The following CATSPERE variants were observed in gnomAD, a reference collection of about 807,000 sequenced individuals.
CATSPERE encodes the protein cation channel sperm-associated auxiliary subunit epsilon.
A neutral mutation model predicts 114.1 loss-of-function variants in CATSPERE; 93 were observed. That is an observed-to-expected ratio of 0.81 (90% CI 0.69 to 0.97). The LOEUF (loss-of-function observed/expected upper bound fraction) is 0.97, where lower values mean the gene tolerates loss of function less well. Among genes scored for constraint, CATSPERE ranks in the 50% least tolerant of loss-of-function variants. CATSPERE has a pLI of 0.00. For synonymous variants in CATSPERE, 341 were observed against 384.1 expected, an observed-to-expected ratio of 0.89 and a Z score of 1.31; for missense variants, 1,058 against 1,131.6, an observed-to-expected ratio of 0.93 and a Z score of 0.93.
At chr1:244,552,107 CAG>C (rs942509189) in intron 8 of CATSPERE, among the ~76,000 whole-genome samples, 38 of 134,932 alleles carry the variant, frequency 2.8e-4, no homozygotes, top group African/African-American at 9.2e-4. Flanking sequence ...CTTGAGAATA[CAG>C]AGACAGAAAC....
upstream of CATSPERE, among the ~76,000 whole-genome samples, chr1:244,453,130 C>T (rs759730364): frequency 3.6e-4 from 55 of 152,130 alleles, 1 homozygote; most frequent in Non-Finnish European, 7.1e-4. Flanking sequence ...TACAATTCAG[C>T]CCTCAAGGAT....
rs1180763418 is a variant in CATSPERE, at chr1:244,617,686, G to C, written c.2648G>C (p.Ser883Thr). Residue 883 changes from serine to threonine, a missense_variant and splice_region_variant, in exon 20 of 22, where the codon AGT becomes ACT. Physicochemically the swap from Ser to Thr is moderately conservative, Grantham distance 58. Coordinates refer to ENST00000366534, the MANE Select transcript of CATSPERE (RefSeq NM_001130957.2). ...FRVKILDPNY[S>T]FCNLTAMFAI... Reference sequence around the variant, plus strand: ...GTGAAGATCCTGGATCCAAACTATAGGTGAATATATGTGTTACTGTAATAG... The same window carrying C: ...GTGAAGATCCTGGATCCAAACTATACGTGAATATATGTGTTACTGTAATAG... 3.3e-6 allele frequency: 5 copies of C among 1,532,102 alleles called. No homozygotes were observed. Among genetic ancestry groups the C allele is most frequent in the Non-Finnish European group, 4.4e-6 (5 of 1,142,024 alleles). The allele number at this position is 1,532,102 out of a possible 1,614,324, so 94.9% of individuals were successfully genotyped here.
At chr1:244,638,342 A>G (rs1226006608) in intron 21 of CATSPERE, among the ~76,000 whole-genome samples, 2 of 152,092 alleles carry the variant, frequency 1.3e-5, no homozygotes, top group Non-Finnish European at 2.9e-5. Flanking sequence ...CGTTGACTCT[A>G]CCTTTGGCTG....
chr1:244,594,962 C>T (rs1369028538), intron 17 of CATSPERE, among the ~76,000 whole-genome samples: 1 of 152,072 alleles, frequency 6.6e-6, no homozygotes, highest in Non-Finnish European at 1.5e-5. Context: ...CTTCTAGACA[C>T]CCAATCATGT....
intron 20 of CATSPERE, among the ~76,000 whole-genome samples, chr1:244,630,856 A>G (rs557143893): frequency 5.3e-5 from 8 of 152,132 alleles, no homozygotes; most frequent in African/African-American, 1.9e-4. Context: ...CATTATAATA[A>G]AGGATTTCTT....
At chr1:244,536,335 A>G (rs932488509) in intron 8 of CATSPERE, among the ~76,000 whole-genome samples, 4 of 152,052 alleles carry the variant, frequency 2.6e-5, no homozygotes, top group Non-Finnish European at 5.9e-5. Context: ...GATCTTGCCT[A>G]GGAGTTGCAG....
At chr1:244,627,337 A>G (rs1673332355) in intron 20 of CATSPERE, among the ~76,000 whole-genome samples, 1 of 152,222 alleles carries the variant, frequency 6.6e-6, no homozygotes, top group Non-Finnish European at 1.5e-5. Flanking sequence ...TTGGGAGGCC[A>G]AAGTGAGAGG....
intron 20 of CATSPERE, among the ~76,000 whole-genome samples, chr1:244,625,422 A>ATTTTTTTT (rs1349807713): frequency 2.0e-3 from 8 of 4,050 alleles, no homozygotes; most frequent in Non-Finnish European, 4.9e-3. Flanking sequence ...ATATATATAT[A>ATTTTTTTT]TATATATATA....
upstream of CATSPERE, among the ~76,000 whole-genome samples, chr1:244,452,429 A>G (rs563468176): frequency 1.4e-4 from 21 of 152,360 alleles, no homozygotes; most frequent in African/African-American, 5.1e-4. Context: ...GGAACGTGTA[A>G]GTGTAGAATT....
chr1:244,547,718 A>G (rs773725614), intron 8 of CATSPERE, among the ~76,000 whole-genome samples: 5 of 152,246 alleles, frequency 3.3e-5, no homozygotes, highest in Non-Finnish European at 7.3e-5. Context: ...ATAAAATCAT[A>G]CTACTAGAGA....
In CATSPERE at chr1:244,606,427, C is replaced by T. The variant is rs1323759798; in HGVS notation, c.2403+633C>T. Among the ~76,000 whole-genome samples, 4 of 151,400 alleles carry T rather than the reference C, an allele frequency of 2.6e-5. No homozygotes were observed. The East Asian group carries it at 7.7e-4, about 29-fold the overall frequency. ...TTACCAGCACTGATTTCTAATATTC[C>T]CCACAGATTTCACTCGCAAAAAAAA... On this transcript the variant is annotated intron_variant, in intron 18 of 21. Coordinates refer to ENST00000366534, the MANE Select transcript of CATSPERE (RefSeq NM_001130957.2).
chr1:244,532,636 G>A lies in CATSPERE; in HGVS notation c.536+13938G>A, dbSNP rs3005952. Among the ~76,000 whole-genome samples the A allele has an allele frequency of 5.6e-3, 853 of 152,122 alleles. 11 individuals carry two copies. The highest frequency in any genetic ancestry group is 0.019 in the African/African-American group (809 of 41,498). On this transcript the variant is annotated intron_variant, in intron 8 of 21. Coordinates refer to ENST00000366534, the MANE Select transcript of CATSPERE (RefSeq NM_001130957.2). Reference sequence around the variant, plus strand: ...ACTGACCCACTGGTCATTCAGGAGCGTATTGTTTAAATTTGATGTGTTAGA... The same window carrying A: ...ACTGACCCACTGGTCATTCAGGAGCATATTGTTTAAATTTGATGTGTTAGA...
At chr1:244,617,002 T>G (rs1041593233) in intron 19 of CATSPERE, among the ~76,000 whole-genome samples, 26 of 152,170 alleles carry the variant, frequency 1.7e-4, no homozygotes, top group Non-Finnish European at 2.1e-4. Context: ...TTAATAATCA[T>G]TTTCTTTCAT....
At chr1:244,507,084 T>G (rs1674938727) in intron 7 of CATSPERE, among the ~76,000 whole-genome samples, 1 of 152,232 alleles carries the variant, frequency 6.6e-6, no homozygotes, top group African/African-American at 2.4e-5. Context: ...TGACAGGTTT[T>G]CATTCTTTTT....
chr1:244,540,402 C>T (rs1428214778), intron 8 of CATSPERE, among the ~76,000 whole-genome samples: 24 of 107,042 alleles, frequency 2.2e-4, no homozygotes, highest in Admixed American at 5.3e-4. Flanking sequence ...CTCACATTCA[C>T]AATTGCTTCA....
At chr1:244,480,628 G>GTCCCAGCTA (rs1553320775) in intron 5 of CATSPERE, among the ~76,000 whole-genome samples, 2 of 55,542 alleles carry the variant, frequency 3.6e-5, no homozygotes, top group African/African-American at 5.7e-5. Flanking sequence ...CTTCAGTAAA[G>GTCCCAGCTA]CATGGTTGTT....
intron 21 of CATSPERE, among the ~76,000 whole-genome samples, chr1:244,638,518 G>A (rs1466301419): frequency 6.6e-6 from 1 of 152,128 alleles, no homozygotes; most frequent in African/African-American, 2.4e-5. Context: ...ATCATGACTT[G>A]AGTTAGCATC....
intron 20 of CATSPERE, among the ~76,000 whole-genome samples, chr1:244,624,483 A>G (rs1423194243): frequency 2.0e-5 from 3 of 152,112 alleles, no homozygotes; most frequent in Non-Finnish European, 2.9e-5. Context: ...ATTGACAGCA[A>G]CTTCACTAGG....
intron 8 of CATSPERE, among the ~76,000 whole-genome samples, chr1:244,542,472 T>A (rs1409040326): frequency 2.6e-5 from 4 of 152,048 alleles, no homozygotes; most frequent in Non-Finnish European, 5.9e-5. Context: ...TAACCCTCAC[T>A]CCCCTCCCAC....
Sources: allele counts gnomAD v4.1 joint callset (sites outside exome capture counted in the v4.1 genomes callset), GRCh38; gene constraint gnomAD v4.1.1; transcripts MANE v1.5; gene names NCBI Gene and HGNC (gene_info 2026-07-23, HGNC 2026-07-21).